PLD5: variants seen among roughly 807,000 people sequenced by gnomAD.
The protein encoded by PLD5 is inactive phospholipase D5.
PLD5 carries 36 observed loss-of-function variants against 61.1 expected under a neutral mutation model. That is an observed-to-expected ratio of 0.59 (90% CI 0.45 to 0.78). The LOEUF (loss-of-function observed/expected upper bound fraction) is 0.78. Among genes scored for constraint, PLD5 ranks in the 30% least tolerant of loss-of-function variants. The pLI is 0.00. For synonymous variants in PLD5, 243 were observed against 242.8 expected, an observed-to-expected ratio of 1.00 and a Z score of -0.01; for missense variants, 515 against 644.4, an observed-to-expected ratio of 0.80 and a Z score of 2.17.
At chr1:242,444,453 G>A (rs1666413967) in intron 1 of PLD5, among the ~76,000 whole-genome samples, 1 of 151,572 alleles carries the variant, frequency 6.6e-6, no homozygotes, top group Admixed American at 6.6e-5. Context: ...TCAAGAAAAT[G>A]GCACTGTAGC....
intron 5 of PLD5, among the ~76,000 whole-genome samples, chr1:242,144,999 T>G (rs1280297608): frequency 6.6e-6 from 1 of 152,224 alleles, no homozygotes; most frequent in Non-Finnish European, 1.5e-5. Flanking sequence ...TTTCTATGTA[T>G]TAACTCACTG....
chr1:242,114,172 T>A, intron 6 of PLD5, 146 bp from the exon 7 acceptor site: 1 of 882,534 alleles, frequency 1.1e-6, no homozygotes, highest in South Asian at 2.0e-5. Flanking sequence ...CAAAGATATT[T>A]TCAATCTTAT....
At chr1:242,132,966 G>A (rs2148763973) in intron 5 of PLD5, among the ~76,000 whole-genome samples, 1 of 152,164 alleles carries the variant, frequency 6.6e-6, no homozygotes, top group African/African-American at 2.4e-5. Flanking sequence ...CCACACCCAA[G>A]TAACAAAAGG....
intron 5 of PLD5, among the ~76,000 whole-genome samples, chr1:242,140,734 A>G (rs1168095062): frequency 2.3e-5 from 3 of 131,564 alleles, no homozygotes; most frequent in Non-Finnish European, 3.3e-5. Flanking sequence ...CTGTTGCTAC[A>G]TCGTTAAATT....
chr1:242,090,979 C>T (rs1659777765), intron 9 of PLD5, among the ~76,000 whole-genome samples: 1 of 151,836 alleles, frequency 6.6e-6, no homozygotes, highest in Non-Finnish European at 1.5e-5. Context: ...TCTTGAACTC[C>T]TGGGTTCAAG....
chr1:242,285,450 A>G (rs1394000321), intron 3 of PLD5, among the ~76,000 whole-genome samples: 2 of 152,146 alleles, frequency 1.3e-5, no homozygotes, highest in Admixed American at 1.3e-4. Flanking sequence ...GTGAGCCAAG[A>G]TCACACCACC....
At chr1:242,464,249 G>T (rs1667208610) in intron 1 of PLD5, among the ~76,000 whole-genome samples, 1 of 151,974 alleles carries the variant, frequency 6.6e-6, no homozygotes, top group African/African-American at 2.4e-5. Flanking sequence ...TAGTCCCAAG[G>T]ATTTCAATGG....
rs574958505 is a variant in PLD5, at chr1:242,226,907, G to C, written c.608-6792C>G. On this transcript the variant is annotated intron_variant, in intron 4 of 9. Transcript: ENST00000536534. ...GAAATAATTCTGTGTTAAAATTTAA[G>C]AGAGAAAATGAAAATATTAACTAAA... is the stretch of plus-strand genomic sequence containing the variant. Among the ~76,000 whole-genome samples the C allele has an allele frequency of 1.5e-4, 23 of 152,156 alleles. No individual in the cohort carries two copies. The East Asian group carries it at 4.4e-3, about 29-fold the overall frequency.
intron 2 of PLD5, among the ~76,000 whole-genome samples, chr1:242,294,340 T>C (rs1675532045): frequency 6.6e-6 from 1 of 152,242 alleles, no homozygotes; most frequent in Non-Finnish European, 1.5e-5. Context: ...ATAGCATGTA[T>C]TTATTCTCCA....
At chr1:242,168,845 A>AGTTTTTT (rs1369104108) in intron 5 of PLD5, among the ~76,000 whole-genome samples, 5 of 29,252 alleles carry the variant, frequency 1.7e-4, no homozygotes, top group African/African-American at 5.3e-4. Context: ...TAATTAATGA[A>AGTTTTTT]GTTTTTTTTT....
chr1:242,494,870 T>C (rs1668312880), intron 1 of PLD5, among the ~76,000 whole-genome samples: 1 of 126,170 alleles, frequency 7.9e-6, no homozygotes, highest in South Asian at 2.6e-4. Flanking sequence ...CCAATTTTTT[T>C]TTCTTTTCTG....
chr1:242,526,348 A>C (rs976674777), upstream of PLD5, among the ~76,000 whole-genome samples: 1 of 152,156 alleles, frequency 6.6e-6, no homozygotes, highest in Non-Finnish European at 1.5e-5. Context: ...ATCGCACTGC[A>C]CCCTGGGCGA....
At chr1:242,140,222 A>G (rs1452834269) in intron 5 of PLD5, among the ~76,000 whole-genome samples, 1 of 152,230 alleles carries the variant, frequency 6.6e-6, no homozygotes. Flanking sequence ...AGATAATCCT[A>G]CATAGATAAC....
chr1:242,087,407 C>T lies in PLD5; in HGVS notation c.*2447G>A, dbSNP rs532804107. 6.6e-6 allele frequency: 1 copy of T among 152,148 alleles called. No homozygotes were observed. Among genetic ancestry groups the T allele is most frequent in the Non-Finnish European group, 1.5e-5 (1 of 68,026 alleles). The allele number at this position is 152,148 out of a possible 1,614,324, so 9.4% of individuals were successfully genotyped here. On this transcript the variant is annotated 3_prime_UTR_variant, in exon 10 of 10. Transcript: ENST00000536534. ...AGCAGATAGTGACAGTGAAGGGGCCCCATGACACCAAGCCTATGAGTGTCC... is the reference window on the plus strand; with the variant it reads ...AGCAGATAGTGACAGTGAAGGGGCCTCATGACACCAAGCCTATGAGTGTCC...
chr1:242,433,103 G>GC (rs1199985496), intron 1 of PLD5, among the ~76,000 whole-genome samples: 2 of 152,216 alleles, frequency 1.3e-5, no homozygotes, highest in African/African-American at 4.8e-5. Flanking sequence ...GGAACTGTCT[G>GC]AGAGCCTGTA....
intron 2 of PLD5, among the ~76,000 whole-genome samples, chr1:242,316,470 A>C (rs1657992404): frequency 1.3e-5 from 2 of 152,110 alleles, no homozygotes; most frequent in African/African-American, 4.8e-5. Flanking sequence ...GTTATACGAG[A>C]TATTTTTGAA....
intron 1 of PLD5, among the ~76,000 whole-genome samples, chr1:242,385,738 T>G (rs530502591): frequency 7.2e-5 from 11 of 152,160 alleles, no homozygotes; most frequent in African/African-American, 2.7e-4. Context: ...TCTGAGATGA[T>G]GAGGGAAAGC....
intron 5 of PLD5, among the ~76,000 whole-genome samples, chr1:242,211,252 C>T (rs935210476): frequency 6.6e-6 from 1 of 152,174 alleles, no homozygotes; most frequent in East Asian, 1.9e-4. Context: ...TACACACAAA[C>T]CTTCTTGGAA....
chr1:242,117,725 C>A (rs1468545659), intron 6 of PLD5, among the ~76,000 whole-genome samples: 1 of 152,128 alleles, frequency 6.6e-6, no homozygotes, highest in African/African-American at 2.4e-5. Context: ...TTTCCCAACC[C>A]TGTACTCCCA....
Sources: gnomAD v4.1 joint callset for allele counts (sites outside exome capture counted in the v4.1 genomes callset) on GRCh38, gnomAD v4.1.1 for gene constraint, MANE v1.5 for transcripts, NCBI Gene and HGNC (gene_info 2026-07-23, HGNC 2026-07-21) for gene names.